Variants in DLGAP3 observed in about 807,000 individuals in gnomAD.
DLGAP3 encodes disks large-associated protein 3.
In DLGAP3, 17 loss-of-function variants were observed where a neutral mutation model predicts 81.2. That is an observed-to-expected ratio of 0.21 (90% CI 0.14 to 0.31). DLGAP3 has a LOEUF of 0.31. DLGAP3 is among the 10% of genes least tolerant of loss of function. The pLI, the probability that DLGAP3 is intolerant of heterozygous loss-of-function variation, is 1.00. For missense variants in DLGAP3, 1,124 were observed against 1,388.0 expected, an observed-to-expected ratio of 0.81 and a Z score of 3.02; for synonymous variants, 577 against 587.4, an observed-to-expected ratio of 0.98 and a Z score of 0.26.
intron 1 of DLGAP3, among the ~76,000 whole-genome samples, chr1:34,913,979 G>A (rs1486638097): frequency 6.6e-6 from 1 of 152,174 alleles, no homozygotes; most frequent in African/African-American, 2.4e-5. Context: ...AGGGAAGGTC[G>A]TGGAGGGAGA....
intron 1 of DLGAP3, among the ~76,000 whole-genome samples, chr1:34,916,801 T>C (rs1639724173): frequency 6.6e-6 from 1 of 152,074 alleles, no homozygotes; most frequent in Non-Finnish European, 1.5e-5. Context: ...GTTCAAGCAA[T>C]TCCCCTGCCT....
intron 8 of DLGAP3, among the ~76,000 whole-genome samples, chr1:34,875,987 G>A (rs1639044518): frequency 6.6e-6 from 1 of 152,270 alleles, no homozygotes; most frequent in South Asian, 2.1e-4. Context: ...GTGGCAGCCG[G>A]CACAGCGGCT....
At chr1:34,911,982 A>G (rs970500718) in intron 1 of DLGAP3, among the ~76,000 whole-genome samples, 2 of 152,242 alleles carry the variant, frequency 1.3e-5, no homozygotes, top group African/African-American at 4.8e-5. Flanking sequence ...GGACTCTGTC[A>G]TCAGACTCTG....
At chr1:34,920,182 T>C (rs1480272775) in intron 1 of DLGAP3, among the ~76,000 whole-genome samples, 5 of 152,096 alleles carry the variant, frequency 3.3e-5, no homozygotes, top group Non-Finnish European at 7.4e-5. Context: ...TGTCTCTAAG[T>C]CTCTGTCTGT....
At chr1:34,880,613 C>A (rs1234823082) in intron 8 of DLGAP3, among the ~76,000 whole-genome samples, 1 of 151,846 alleles carries the variant, frequency 6.6e-6, no homozygotes, top group Non-Finnish European at 1.5e-5. Flanking sequence ...TGCCTGTAAT[C>A]CCAGCTACTC....
intron 3 of DLGAP3, among the ~76,000 whole-genome samples, chr1:34,903,430 G>A (rs758509818): frequency 2.8e-4 from 43 of 152,154 alleles, no homozygotes; most frequent in Non-Finnish European, 1.9e-4. Context: ...CAACTATGTC[G>A]AATGCGGAAA....
intron 1 of DLGAP3, among the ~76,000 whole-genome samples, chr1:34,914,571 G>A (rs1273033849): frequency 4.6e-5 from 7 of 152,212 alleles, no homozygotes; most frequent in East Asian, 3.8e-4. Flanking sequence ...CTTACTAGAC[G>A]TGTGGCCTCA....
intron 8 of DLGAP3, among the ~76,000 whole-genome samples, chr1:34,880,920 C>T (rs1419442620): frequency 1.3e-5 from 2 of 152,060 alleles, no homozygotes; most frequent in African/African-American, 4.8e-5. Context: ...TTTTAAAAGT[C>T]TCTCCTATCC....
intron 8 of DLGAP3, among the ~76,000 whole-genome samples, chr1:34,883,459 G>C (rs1639174389): frequency 6.6e-6 from 1 of 152,224 alleles, no homozygotes; most frequent in African/African-American, 2.4e-5. Flanking sequence ...CCTCTAAAGG[G>C]AGTGAGTGGG....
At position 34,885,001 on chromosome 1, in the gene DLGAP3, G is replaced by A. The variant is rs1384843956; in HGVS notation, c.1977C>T (p.Gly659=). The part of the protein sequence containing the change: ...NRSRREFHSI[G]VQVEEDKRRA... ...ACCTCTTGTCCTCTTCCACCTGCACGCCAATAGAGTGGAACTCCCTCCGGC... is the reference window on the plus strand; with the variant it reads ...ACCTCTTGTCCTCTTCCACCTGCACACCAATAGAGTGGAACTCCCTCCGGC... Residue 659 remains glycine (G), a synonymous_variant, in exon 8 of 12, where the codon GGC becomes GGT. Coordinates refer to ENST00000373347, the MANE Select transcript of DLGAP3 (RefSeq NM_001080418.3). 4 of 1,613,060 alleles carry A rather than the reference G, an allele frequency of 2.5e-6. No individual in the cohort carries two copies. The highest frequency in any genetic ancestry group is 3.4e-6 in the Non-Finnish European group (4 of 1,179,844).
Position 34,868,248 on chromosome 1 carries a change from C to T in DLGAP3, c.2485+357G>A, listed in dbSNP as rs920783169. 1.3e-5 allele frequency among the ~76,000 whole-genome samples: 2 copies of T among 152,102 alleles called. No individual in the cohort carries two copies. The highest frequency in any genetic ancestry group is 3.2e-3 in the Middle Eastern group (1 of 316). On this transcript the variant is annotated intron_variant, in intron 9 of 11. Coordinates refer to ENST00000373347, the MANE Select transcript of DLGAP3 (RefSeq NM_001080418.3). The surrounding 1 kb of genome is among the most constrained non-coding windows in gnomAD (Gnocchi z 7.5). ...CTGCCTCCCTCTCTGTAATCTTGGTCGCACCACCTGGATCCCCACACCAGT... is the reference window on the plus strand; with the variant it reads ...CTGCCTCCCTCTCTGTAATCTTGGTTGCACCACCTGGATCCCCACACCAGT...
Position 34,904,385 on chromosome 1 carries a change from A to T in DLGAP3, c.999T>A (p.His333Gln). Reference sequence around the variant, plus strand: ...CCCGGCCCTGGCTGACCATCATGGTATGCCAGGCACTTCGCTTGACCGACT... The same window carrying T: ...CCCGGCCCTGGCTGACCATCATGGTTTGCCAGGCACTTCGCTTGACCGACT... ...DGQSVKRSAW[H>Q]TMMVSQGRDG... The change falls in exon 3 of 12, where the codon CAT becomes CAA. Residue 333 changes from histidine to glutamine, a missense_variant. His to Gln is a conservative substitution (Grantham distance 24). Transcript: ENST00000373347. The surrounding 1 kb of genome is among the most constrained non-coding windows in gnomAD (Gnocchi z 8.1). 6.2e-7 allele frequency: 1 copy of T among 1,613,778 alleles called. No individual in the cohort carries two copies. The highest frequency in any genetic ancestry group is 8.5e-7 in the Non-Finnish European group (1 of 1,180,026).
chr1:34,926,402 C>G (rs1191326166), intron 1 of DLGAP3, among the ~76,000 whole-genome samples: 1 of 152,198 alleles, frequency 6.6e-6, no homozygotes, highest in African/African-American at 2.4e-5. Context: ...AACCCAGACT[C>G]CCCAGACGGC....
At chr1:34,878,351 A>G (rs537267014) in intron 8 of DLGAP3, among the ~76,000 whole-genome samples, 1 of 152,296 alleles carries the variant, frequency 6.6e-6, no homozygotes, top group African/African-American at 2.4e-5. Context: ...CATCTAAAAC[A>G]TAAGGATATA....
intron 6 of DLGAP3, 77 bp from the exon 7 acceptor site, chr1:34,885,868 C>A: frequency 7.9e-7 from 1 of 1,273,358 alleles, no homozygotes; most frequent in Non-Finnish European, 1.0e-6. Flanking sequence ...GCCCGACTCC[C>A]ACCCTCAAGA....
intron 1 of DLGAP3, among the ~76,000 whole-genome samples, chr1:34,914,923 T>C (rs1026690246): frequency 2.6e-5 from 4 of 152,150 alleles, no homozygotes; most frequent in African/African-American, 2.4e-5. Context: ...ACCCTAAGCG[T>C]ACCAAAGACA....
intron 8 of DLGAP3, among the ~76,000 whole-genome samples, chr1:34,874,944 A>G (rs6682108): frequency 0.3 from 45,432 of 151,962 alleles, 8,119 homozygotes; most frequent in Non-Finnish European, 0.42. Flanking sequence ...CATATAATCA[A>G]GCAGGGGTCA....
In DLGAP3 at chr1:34,868,728, C is replaced by T. The variant is rs753189951; in HGVS notation, c.2362G>A (p.Ala788Thr). 1.1e-5 allele frequency: 18 copies of T among 1,609,658 alleles called. No individual in the cohort carries two copies. In the South Asian group the frequency reaches 1.3e-4, roughly 12 times the overall value. ...GSRSLPDSGR[A>T]SPCPRDGEWF... Reference sequence around the variant, plus strand: ...TCGCCGTCGCGTGGGCAGGGGGATGCGCGGCCTGAGTCGGGGAGGCTACGT... The same window carrying T: ...TCGCCGTCGCGTGGGCAGGGGGATGTGCGGCCTGAGTCGGGGAGGCTACGT... The change falls in exon 9 of 12, where the codon GCA becomes ACA. Residue 788 changes from alanine to threonine, a missense_variant. Ala to Thr is a moderately conservative substitution (Grantham distance 58). Around this residue, in one of 9 missense-constraint regions of DLGAP3, gnomAD observed 379 missense variants for 455.7 expected, o/e 0.83. Coordinates refer to ENST00000373347, the MANE Select transcript of DLGAP3 (RefSeq NM_001080418.3). The surrounding 1 kb of genome is among the most constrained non-coding windows in gnomAD (Gnocchi z 7.5).
intron 8 of DLGAP3, among the ~76,000 whole-genome samples, chr1:34,872,504 T>C (rs77066549): frequency 6.6e-6 from 1 of 152,308 alleles, no homozygotes; most frequent in East Asian, 1.9e-4. Flanking sequence ...ACCTGTGGTG[T>C]AGGCAGAATA....
Sources: allele counts gnomAD v4.1 joint callset (sites outside exome capture counted in the v4.1 genomes callset), GRCh38; gene constraint gnomAD v4.1.1; regional missense constraint gnomAD v4.1.1; non-coding constraint Gnocchi (gnomAD v3.1); transcripts MANE v1.5; gene names NCBI Gene and HGNC (gene_info 2026-07-23, HGNC 2026-07-21).